The following NCKAP5 variants were observed in gnomAD, a reference collection of about 807,000 sequenced individuals.
The protein encoded by NCKAP5 is nck-associated protein 5.
NCKAP5 carries 92 observed loss-of-function variants against 167.0 expected under a neutral mutation model. That is an observed-to-expected ratio of 0.55 (90% confidence interval 0.47 to 0.66). NCKAP5 has a LOEUF of 0.66. NCKAP5 is among the 30% of genes least tolerant of loss of function. The probability of loss-of-function intolerance (pLI) is 0.00; values close to 1 mark genes in which losing one functional copy is unlikely to be tolerated. For missense variants in NCKAP5, 2,378 were observed against 2,315.0 expected (o/e 1.03, Z -0.56); for synonymous variants, 891 against 877.4 (o/e 1.02, Z -0.27).
chr2:133,176,569 C>A (rs536999411), intron 5 of NCKAP5, among the ~76,000 whole-genome samples: 3 of 152,260 alleles, frequency 2.0e-5, no homozygotes, highest in African/African-American at 7.2e-5. Flanking sequence ...CATTTGAAAT[C>A]CACTTTAAAA....
chr2:132,708,124 G>C, intron 19 of NCKAP5, among the ~76,000 whole-genome samples: 1 of 151,906 alleles, frequency 6.6e-6, no homozygotes, highest in East Asian at 1.9e-4. Context: ...GTGTGACCCA[G>C]CACATTCCCA....
At chr2:132,974,592 C>T (rs184243060) in intron 7 of NCKAP5, among the ~76,000 whole-genome samples, 3 of 152,288 alleles carry the variant, frequency 2.0e-5, no homozygotes, top group African/African-American at 4.8e-5. Context: ...CGATTTTGGA[C>T]GTCATGCTCT....
chr2:133,272,861 C>G (rs1224007638), intron 4 of NCKAP5, among the ~76,000 whole-genome samples: 1 of 152,126 alleles, frequency 6.6e-6, no homozygotes. Context: ...CAAGTTTTGT[C>G]CATGTTGTAG....
At chr2:133,114,767 G>A (rs916835496) in intron 6 of NCKAP5, among the ~76,000 whole-genome samples, 1 of 152,058 alleles carries the variant, frequency 6.6e-6, no homozygotes, top group Non-Finnish European at 1.5e-5. Context: ...GCAGAACCTA[G>A]TCTTATAGTG....
At chr2:133,510,218 A>G (rs998647663) in intron 3 of NCKAP5, among the ~76,000 whole-genome samples, 4 of 151,928 alleles carry the variant, frequency 2.6e-5, no homozygotes, top group African/African-American at 7.3e-5. Context: ...CAAGTCATAA[A>G]CCCCACTGCA....
intron 19 of NCKAP5, among the ~76,000 whole-genome samples, chr2:132,718,069 G>T (rs776754134): frequency 3.3e-5 from 5 of 152,164 alleles, no homozygotes; most frequent in Non-Finnish European, 7.3e-5. Context: ...ATGGTTTTGG[G>T]TACTGGATTA....
intron 4 of NCKAP5, among the ~76,000 whole-genome samples, chr2:133,220,880 T>G (rs1012772537): frequency 2.0e-5 from 3 of 152,124 alleles, no homozygotes; most frequent in Non-Finnish European, 2.9e-5. Context: ...CCAACCTGAA[T>G]GGGAGAGCAT....
chr2:132,712,144 A>T (rs7569339), intron 19 of NCKAP5, among the ~76,000 whole-genome samples: 22,481 of 151,976 alleles, frequency 0.15, 2,316 homozygotes, highest in African/African-American at 0.3. Flanking sequence ...GAACTGTATG[A>T]CCTCTGTTCT....
intron 8 of NCKAP5, among the ~76,000 whole-genome samples, chr2:132,880,597 T>C (rs2148819248): frequency 6.6e-6 from 1 of 151,692 alleles, no homozygotes; most frequent in Middle Eastern, 3.4e-3. Context: ...GCCACTGCAC[T>C]CCAGCCTGGA....
chr2:133,586,774 C>T, the NCKAP5 span, among the ~76,000 whole-genome samples: 1 of 151,780 alleles, frequency 6.6e-6, no homozygotes, highest in African/African-American at 2.4e-5. Context: ...CACACACACA[C>T]ACACACACAC....
intron 18 of NCKAP5, among the ~76,000 whole-genome samples, chr2:132,728,198 A>T (rs75300041): frequency 0.021 from 3,246 of 152,178 alleles, 84 homozygotes; most frequent in African/African-American, 0.073. Context: ...GGAAACGGTA[A>T]ACAGGAGGGG....
At chr2:133,471,061 G>GATC (rs944670275) in intron 3 of NCKAP5, among the ~76,000 whole-genome samples, 32 of 152,176 alleles carry the variant, frequency 2.1e-4, no homozygotes, top group Middle Eastern at 3.4e-3. Flanking sequence ...TTTATGTACT[G>GATC]ATCATCATCA....
chr2:132,820,619 CA>C (rs1686659452), intron 11 of NCKAP5, among the ~76,000 whole-genome samples: 1 of 152,062 alleles, frequency 6.6e-6, no homozygotes, highest in Non-Finnish European at 1.5e-5. Flanking sequence ...CAGAATATTA[CA>C]TGGATTTTCC....
intron 3 of NCKAP5, among the ~76,000 whole-genome samples, chr2:133,352,456 C>A (rs754313813): frequency 6.6e-6 from 1 of 152,220 alleles, no homozygotes; most frequent in Non-Finnish European, 1.5e-5. Flanking sequence ...CTGTCCTCCA[C>A]ATACAATTTG....
intron 2 of NCKAP5, among the ~76,000 whole-genome samples, chr2:133,529,462 GC>G (rs1479733975): frequency 1.3e-5 from 2 of 152,036 alleles, no homozygotes; most frequent in Non-Finnish European, 2.9e-5. Context: ...TCAATAAATT[GC>G]TTATTAACTT....
At chr2:133,463,195 C>A (rs544648022) in intron 3 of NCKAP5, among the ~76,000 whole-genome samples, 8 of 152,324 alleles carry the variant, frequency 5.3e-5, no homozygotes, top group Non-Finnish European at 1.2e-4. Flanking sequence ...TTTTCCATTA[C>A]ATTTGCACAT....
chr2:133,281,999 G>A (rs898391569), intron 4 of NCKAP5, among the ~76,000 whole-genome samples: 7 of 152,172 alleles, frequency 4.6e-5, no homozygotes, highest in African/African-American at 1.4e-4. Context: ...ATCCTCAGAG[G>A]AGCAGGAGTT....
At chr2:132,902,844 T>C (rs1384649135) in intron 8 of NCKAP5, among the ~76,000 whole-genome samples, 3 of 152,194 alleles carry the variant, frequency 2.0e-5, no homozygotes, top group African/African-American at 7.2e-5. Context: ...CCCCATAATA[T>C]TACTGACTTC....
the NCKAP5 span, among the ~76,000 whole-genome samples, chr2:133,644,766 C>T: frequency 6.6e-6 from 1 of 152,064 alleles, no homozygotes; most frequent in African/African-American, 2.4e-5. Flanking sequence ...TTTTTTTCTC[C>T]TCCAAACTTG....
Sources: allele counts gnomAD v4.1 joint callset (sites outside exome capture counted in the v4.1 genomes callset), GRCh38; gene constraint gnomAD v4.1.1; transcripts MANE v1.5; gene names NCBI Gene and HGNC (gene_info 2026-07-23, HGNC 2026-07-21).